DPYD: variants seen among roughly 807,000 people sequenced by gnomAD.
DPYD encodes dihydropyrimidine dehydrogenase [NADP(+)].
In DPYD, 109 loss-of-function variants were observed where a neutral mutation model predicts 116.2. The ratio of observed to expected loss-of-function variants is 0.94; its 90% CI spans 0.80 to 1.10. DPYD has a LOEUF of 1.10. Among genes scored for constraint, DPYD ranks in the 50% least tolerant of loss-of-function variants. The pLI, the probability that DPYD is intolerant of heterozygous loss-of-function variation, is 0.00. For missense variants in DPYD, 1,302 were observed against 1,254.5 expected (o/e 1.04, Z -0.57); for synonymous variants, 440 against 432.0 (o/e 1.02, Z -0.23).
chr1:97,162,387 C>G (rs951631691), intron 20 of DPYD, among the ~76,000 whole-genome samples: 19 of 151,928 alleles, frequency 1.3e-4, no homozygotes, highest in Non-Finnish European at 2.1e-4. Flanking sequence ...ACAATTGCTT[C>G]AAAGAGAAAA....
intron 15 of DPYD, among the ~76,000 whole-genome samples, chr1:97,374,511 G>A (rs923887646): frequency 6.6e-6 from 1 of 151,772 alleles, no homozygotes; most frequent in Admixed American, 6.6e-5. Flanking sequence ...ATGAGGTCAG[G>A]AGATCGAGAT....
chr1:97,374,610 T>C (rs1270027906), intron 15 of DPYD, among the ~76,000 whole-genome samples: 1 of 146,068 alleles, frequency 6.8e-6, no homozygotes. Flanking sequence ...TCCCAGCTAC[T>C]CAGGAGGCTG....
chr1:97,814,499 G>A (rs1205819133), intron 3 of DPYD, among the ~76,000 whole-genome samples: 1 of 152,080 alleles, frequency 6.6e-6, no homozygotes, highest in Non-Finnish European at 1.5e-5. Flanking sequence ...AACAAAACTG[G>A]ACAGATTCCA....
intron 10 of DPYD, among the ~76,000 whole-genome samples, chr1:97,584,929 C>A (rs538419979): frequency 8.2e-6 from 1 of 121,990 alleles, no homozygotes. Context: ...TGCACATGTA[C>A]CCTAAAACTT....
chr1:97,316,273 T>C (rs963946387), intron 16 of DPYD, among the ~76,000 whole-genome samples: 7 of 151,546 alleles, frequency 4.6e-5, no homozygotes, highest in African/African-American at 1.7e-4. Context: ...GTGGATCACT[T>C]GAGGTCAGGC....
At chr1:97,528,647 C>T (rs1007404839) in intron 12 of DPYD, among the ~76,000 whole-genome samples, 3 of 152,132 alleles carry the variant, frequency 2.0e-5, no homozygotes, top group African/African-American at 7.2e-5. Flanking sequence ...TACTTTATGA[C>T]ACTACCATCC....
rs76599467 is a variant in DPYD, at chr1:97,696,896, T to A, written c.680+2455A>T. On this transcript the variant is annotated intron_variant, in intron 6 of 22. Transcript: ENST00000370192. ...AGACCTCATTTCTCTTTATTGTCAA[T>A]CAACAAGAAAAACAATAGGCCTAAT... Among the ~76,000 whole-genome samples, 765 of 152,134 alleles carry A rather than the reference T, an allele frequency of 5.0e-3. 5 individuals carry two copies. Among genetic ancestry groups the A allele is most frequent in the African/African-American group, 0.017 (726 of 41,532 alleles).
intron 1 of DPYD, among the ~76,000 whole-genome samples, chr1:97,908,047 T>G (rs1673731071): frequency 6.6e-6 from 1 of 152,038 alleles, no homozygotes; most frequent in African/African-American, 2.4e-5. Context: ...TTTTCATTTT[T>G]TTCCCCTTTC....
intron 18 of DPYD, among the ~76,000 whole-genome samples, chr1:97,236,367 T>TA (rs1298948411): frequency 6.6e-6 from 1 of 151,226 alleles, no homozygotes; most frequent in Non-Finnish European, 1.5e-5. Flanking sequence ...AGCCTTCCTT[T>TA]AAAAAATGGC....
At chr1:97,733,162 A>G (rs115504384) in intron 4 of DPYD, among the ~76,000 whole-genome samples, 1,856 of 152,192 alleles carry the variant, frequency 0.012, 35 homozygotes, top group African/African-American at 0.042. Context: ...GCAATCTGGG[A>G]GGAAAATCTT....
chr1:97,684,570 A>AT (rs1024450214), intron 7 of DPYD, among the ~76,000 whole-genome samples: 27 of 150,734 alleles, frequency 1.8e-4, no homozygotes, highest in African/African-American at 4.9e-4. Context: ...TTGAAAAAAA[A>AT]ATATATATAT....
chr1:97,716,920 AATTTTTT>A (rs940722814), intron 5 of DPYD, among the ~76,000 whole-genome samples: 3 of 152,024 alleles, frequency 2.0e-5, no homozygotes, highest in African/African-American at 7.2e-5. Context: ...GAAAAAATTC[AATTTTTT>A]ATTTTTTATT....
chr1:97,504,458 C>T (rs1679768459), intron 13 of DPYD, among the ~76,000 whole-genome samples: 1 of 151,866 alleles, frequency 6.6e-6, no homozygotes, highest in Non-Finnish European at 1.5e-5. Context: ...TCAATATGGT[C>T]CCTTGGAAAG....
intron 16 of DPYD, among the ~76,000 whole-genome samples, chr1:97,346,311 T>C (rs1285869168): frequency 6.6e-6 from 1 of 151,844 alleles, no homozygotes; most frequent in East Asian, 1.9e-4. Flanking sequence ...TTTTAAATTA[T>C]TACTATATCT....
chr1:97,240,722 A>C (rs922175446), intron 18 of DPYD, among the ~76,000 whole-genome samples: 9 of 152,052 alleles, frequency 5.9e-5, no homozygotes, highest in Non-Finnish European at 1.3e-4. Flanking sequence ...CAGAAGAAAA[A>C]AAATTAGTAA....
intron 3 of DPYD, among the ~76,000 whole-genome samples, chr1:97,802,561 GA>G (rs1477758672): frequency 6.6e-6 from 1 of 151,776 alleles, no homozygotes; most frequent in Non-Finnish European, 1.5e-5. Flanking sequence ...TGGGGCCTCA[GA>G]TCTATCCCTC....
intron 12 of DPYD, among the ~76,000 whole-genome samples, chr1:97,536,792 A>T (rs1650033431): frequency 6.6e-6 from 1 of 152,204 alleles, no homozygotes; most frequent in Non-Finnish European, 1.5e-5. Flanking sequence ...TTCATCTAAC[A>T]GCTGGAAAGA....
chr1:97,480,960 G>A (rs1399045700), intron 13 of DPYD, among the ~76,000 whole-genome samples: 4 of 151,784 alleles, frequency 2.6e-5, no homozygotes, highest in East Asian at 3.9e-4. Context: ...AGTCTGGGGC[G>A]ACAAGAGTAA....
At chr1:97,165,255 T>A (rs561983304) in intron 20 of DPYD, among the ~76,000 whole-genome samples, 81 of 152,018 alleles carry the variant, frequency 5.3e-4, no homozygotes, top group African/African-American at 1.9e-3. Context: ...AAATGGAATA[T>A]AAGCCCAGAA....
Sources: allele counts gnomAD v4.1 joint callset (sites outside exome capture counted in the v4.1 genomes callset), GRCh38; gene constraint gnomAD v4.1.1; transcripts MANE v1.5; gene names NCBI Gene and HGNC (gene_info 2026-07-23, HGNC 2026-07-21).